Variants in DNAH11 observed in about 807,000 individuals in gnomAD.
DNAH11 encodes dynein axonemal heavy chain 11, also known as axonemal beta dynein heavy chain 11.
Under a neutral mutation model 526.0 loss-of-function variants are expected in DNAH11, and 442 were observed. The observed-to-expected ratio is 0.84, with a 90% confidence interval of 0.78 to 0.91. The LOEUF is 0.91. Ranked by LOEUF, DNAH11 falls within the 40% of genes least tolerant of loss-of-function variation. The pLI, the probability that DNAH11 is intolerant of heterozygous loss-of-function variation, is 0.00. For synonymous variants in DNAH11, 2,461 were observed against 1,935.9 expected (o/e 1.27, Z -7.12); for missense variants, 6,989 against 5,448.7 (o/e 1.28, Z -8.90).
chr7:21,702,155 G>A (rs2128478258), intron 36 of DNAH11, among the ~76,000 whole-genome samples: 1 of 152,242 alleles, frequency 6.6e-6, no homozygotes, highest in African/African-American at 2.4e-5. Context: ...AGACCCTGTG[G>A]GAGGAGTCTT....
intron 42 of DNAH11, 146 bp downstream of exon 42, chr7:21,712,006 C>T (rs1022899030): frequency 1.4e-5 from 14 of 984,076 alleles, no homozygotes; most frequent in Admixed American, 2.4e-5. Context: ...CCCAAAGTGA[C>T]ACTCTTTATC....
chr7:21,555,484 G>A (rs572842519), intron 2 of DNAH11, among the ~76,000 whole-genome samples: 2 of 152,298 alleles, frequency 1.3e-5, no homozygotes, highest in East Asian at 3.9e-4. Context: ...CCCAACTACT[G>A]GAGGTTTCTT....
In DNAH11 at chr7:21,875,826, GA is replaced by G. The variant is rs1388010029; in HGVS notation, c.12195+2327del. On this transcript the variant is annotated intron_variant, in intron 74 of 81. Coordinates refer to ENST00000409508, the MANE Select transcript of DNAH11 (RefSeq NM_001277115.2). ...ATCTGGAAAGCCACTTTTATTAATT[GA>G]AGGTTACTTTTATTAGAAGGGCTTT... Among the ~76,000 whole-genome samples the G allele has an allele frequency of 4.7e-5, 7 of 149,940 alleles. No individual in the cohort carries two copies. The East Asian group carries it at 1.4e-3, about 29-fold the overall frequency.
intron 30 of DNAH11, among the ~76,000 whole-genome samples, chr7:21,673,370 G>A (rs1782722250): frequency 1.3e-5 from 2 of 152,300 alleles, no homozygotes; most frequent in South Asian, 4.1e-4. Context: ...GAGTTGTGAT[G>A]ATTAAATTAG....
intron 73 of DNAH11, among the ~76,000 whole-genome samples, chr7:21,870,528 G>A (rs1253656953): frequency 1.3e-5 from 2 of 152,090 alleles, no homozygotes; most frequent in Non-Finnish European, 2.9e-5. Context: ...CAGACAGTTA[G>A]GTAAATTTTA....
intron 61 of DNAH11, among the ~76,000 whole-genome samples, chr7:21,796,585 G>C (rs971545062): frequency 1.3e-5 from 2 of 152,168 alleles, no homozygotes; most frequent in Admixed American, 6.5e-5. Context: ...AGCCAGAAGA[G>C]ATTGTTATCA....
At chr7:21,831,040 C>A (rs952150138) in intron 65 of DNAH11, among the ~76,000 whole-genome samples, 4 of 152,164 alleles carry the variant, frequency 2.6e-5, no homozygotes, top group Non-Finnish European at 5.9e-5. Context: ...GAGATTCACA[C>A]CCACTTGACT....
At chr7:21,735,289 A>G (rs151042584) in intron 45 of DNAH11, among the ~76,000 whole-genome samples, 196 of 152,304 alleles carry the variant, frequency 1.3e-3, no homozygotes, top group African/African-American at 4.5e-3. Flanking sequence ...TATGGTTACT[A>G]TATTCCCTTC....
At chr7:21,706,183 C>T (rs1228251479) in intron 39 of DNAH11, among the ~76,000 whole-genome samples, 1 of 152,018 alleles carries the variant, frequency 6.6e-6, no homozygotes, top group Non-Finnish European at 1.5e-5. Flanking sequence ...CTCGGCACAA[C>T]AATGATATAC....
At chr7:21,738,635 A>G (rs937155275) in intron 46 of DNAH11, 66 bp from the exon 47 acceptor site, 1 of 1,461,502 alleles carries the variant, frequency 6.8e-7, no homozygotes, top group African/African-American at 1.4e-5. Flanking sequence ...TAAGAACAAG[A>G]GAAAAATGAC....
chr7:21,743,665 A>G (rs961909735), intron 49 of DNAH11, among the ~76,000 whole-genome samples: 6 of 152,178 alleles, frequency 3.9e-5, no homozygotes, highest in Non-Finnish European at 8.8e-5. Flanking sequence ...CTGTGTATCT[A>G]GCTCCTGCCA....
chr7:21,896,784 A>C lies in DNAH11; in HGVS notation c.13049+1785A>C, dbSNP rs193088305. ...CTTAATTATTTAGATGTCATTGTCC[A>C]GGTTGGGCGCAGTGGCTCATGCCCA... On this transcript the variant is annotated intron_variant, in intron 79 of 81. Transcript: ENST00000409508. Among the ~76,000 whole-genome samples the C allele has an allele frequency of 8.4e-3, 1,273 of 152,254 alleles. 12 individuals are homozygous for C. Among genetic ancestry groups the C allele is most frequent in the South Asian group, 0.039 (188 of 4,820 alleles).
rs529616594 is a variant in DNAH11, at chr7:21,717,643, A to G, written c.6984-132A>G. The G allele has an allele frequency of 1.3e-5, 14 of 1,046,880 alleles. No homozygotes were observed. In the East Asian group the frequency reaches 3.2e-4, roughly 24 times the overall value. The allele number at this position is 1,046,880 out of a possible 1,614,324, so 64.8% of individuals were successfully genotyped here. A position where few individuals can be genotyped will look rare whatever the true frequency, so the allele number is the denominator to read the frequency against. ...TTTTAAAATATTTGCAGTTTGAAAA[A>G]TAGAACGAACTCACTAAACGTGTCC... On this transcript the variant is annotated intron_variant, in intron 42 of 81. Coordinates refer to ENST00000409508, the MANE Select transcript of DNAH11 (RefSeq NM_001277115.2).
chr7:21,721,541 G>T (rs981483746), intron 44 of DNAH11, among the ~76,000 whole-genome samples: 2 of 152,218 alleles, frequency 1.3e-5, no homozygotes, highest in East Asian at 3.8e-4. Flanking sequence ...GCATGGTTGA[G>T]TTCCAGCAAG....
chr7:21,750,739 A>G (rs920692377), intron 54 of DNAH11, among the ~76,000 whole-genome samples: 2 of 152,186 alleles, frequency 1.3e-5, no homozygotes, highest in Admixed American at 1.3e-4. Flanking sequence ...TCCTGGAGGA[A>G]ATGATGGGCC....
At chr7:21,895,976 G>A (rs1372217530) in intron 79 of DNAH11, among the ~76,000 whole-genome samples, 5 of 152,198 alleles carry the variant, frequency 3.3e-5, no homozygotes, top group Admixed American at 2.0e-4. Context: ...TGATCTGCCC[G>A]CCTCAGCCTC....
At chr7:21,879,582 G>A (rs1021989960) in intron 74 of DNAH11, among the ~76,000 whole-genome samples, 2 of 152,170 alleles carry the variant, frequency 1.3e-5, no homozygotes, top group Non-Finnish European at 2.9e-5. Flanking sequence ...GTGTCGTGGT[G>A]ATTTTATTAG....
chr7:21,723,208 GC>G, intron 44 of DNAH11, among the ~76,000 whole-genome samples: 1 of 152,322 alleles, frequency 6.6e-6, no homozygotes, highest in East Asian at 1.9e-4. Flanking sequence ...CAGGGAATGT[GC>G]TTAGAGCTTT....
Position 21,742,183 on chromosome 7 carries a change from A to G in DNAH11, c.8154+17A>G, listed in dbSNP as rs375809821. ...GTCTTCCAGGTACCTTGACTGCTCT[A>G]TGTTATGCCTCTTGAGTAGAGAAAT... On this transcript the variant is annotated intron_variant, in intron 49 of 81. Transcript: ENST00000409508. The G allele has an allele frequency of 9.3e-6, 15 of 1,612,260 alleles. No homozygotes were observed. The highest frequency in any genetic ancestry group is 5.0e-5 in the Admixed American group (3 of 59,918).
Sources: gnomAD v4.1 joint callset for allele counts (sites outside exome capture counted in the v4.1 genomes callset) on GRCh38, gnomAD v4.1.1 for gene constraint, MANE v1.5 for transcripts, NCBI Gene and HGNC (gene_info 2026-07-23, HGNC 2026-07-21) for gene names.